ADIPOR2: variants seen among roughly 807,000 people sequenced by gnomAD.
ADIPOR2 encodes the protein adiponectin receptor protein 2.
Under a neutral mutation model 40.9 loss-of-function variants are expected in ADIPOR2, and 18 were observed. That is an observed-to-expected ratio of 0.44 (90% confidence interval 0.30 to 0.65). The LOEUF is 0.65. Ranked by LOEUF, ADIPOR2 falls within the 30% of genes least tolerant of loss-of-function variation. The pLI is 0.09. For missense variants in ADIPOR2, 283 were observed against 479.2 expected, an observed-to-expected ratio of 0.59 and a Z score of 3.82; for synonymous variants, 165 against 166.4, an observed-to-expected ratio of 0.99 and a Z score of 0.06.
intron 1 of ADIPOR2, among the ~76,000 whole-genome samples, chr12:1,699,777 C>T (rs2094646597): frequency 6.6e-6 from 1 of 152,162 alleles, no homozygotes; most frequent in South Asian, 2.1e-4. Flanking sequence ...AATAATTAGC[C>T]TATTTTATAA....
intron 3 of ADIPOR2, among the ~76,000 whole-genome samples, chr12:1,776,725 G>A (rs898809382): frequency 6.6e-6 from 1 of 152,176 alleles, no homozygotes; most frequent in Non-Finnish European, 1.5e-5. Context: ...GGACTGAAAG[G>A]GTGGTTAGGG....
At chr12:1,745,464 A>G (rs367967599) in intron 1 of ADIPOR2, among the ~76,000 whole-genome samples, 3 of 152,286 alleles carry the variant, frequency 2.0e-5, no homozygotes, top group South Asian at 2.1e-4. Context: ...GAATGAATTT[A>G]TATGTCTATG....
intron 2 of ADIPOR2, among the ~76,000 whole-genome samples, chr12:1,764,570 C>CAA: frequency 1.1e-5 from 1 of 93,930 alleles, no homozygotes; most frequent in African/African-American, 3.7e-5. Context: ...CACACACACA[C>CAA]ACACACACAC....
intron 2 of ADIPOR2, among the ~76,000 whole-genome samples, chr12:1,764,796 G>A (rs995433360): frequency 2.0e-5 from 3 of 152,006 alleles, no homozygotes; most frequent in African/African-American, 7.2e-5. Context: ...CATTCCATAT[G>A]TACTCTTGTA....
At chr12:1,768,136 T>A (rs1460041128) in intron 2 of ADIPOR2, among the ~76,000 whole-genome samples, 2 of 152,250 alleles carry the variant, frequency 1.3e-5, no homozygotes, top group African/African-American at 4.8e-5. Context: ...ATCAAAGGTT[T>A]ACTGTCTCCA....
At chr12:1,696,006 T>G (rs1458007263) in intron 1 of ADIPOR2, 1 of 155,314 alleles carries the variant, frequency 6.4e-6, no homozygotes, top group Non-Finnish European at 1.5e-5. Context: ...TTCATTTTGG[T>G]TTTCTTCCTC....
chr12:1,721,157 T>C (rs1301499863), intron 1 of ADIPOR2, among the ~76,000 whole-genome samples: 2 of 151,418 alleles, frequency 1.3e-5, no homozygotes, highest in Non-Finnish European at 1.5e-5. Context: ...CAGGACTTCC[T>C]GAGGCTGTGT....
At chr12:1,756,931 G>A (rs1023815823) in intron 2 of ADIPOR2, among the ~76,000 whole-genome samples, 2 of 152,196 alleles carry the variant, frequency 1.3e-5, no homozygotes, top group Admixed American at 6.5e-5. Context: ...AGGGAAGAGC[G>A]GGTTTAAGGT....
intron 1 of ADIPOR2, among the ~76,000 whole-genome samples, chr12:1,713,667 C>T (rs1325827742): frequency 6.6e-6 from 1 of 151,986 alleles, no homozygotes; most frequent in African/African-American, 2.4e-5. Context: ...TATGTTCCTC[C>T]CTAATAAGGG....
intron 1 of ADIPOR2, among the ~76,000 whole-genome samples, chr12:1,722,122 G>A (rs2094699090): frequency 6.6e-6 from 1 of 152,214 alleles, no homozygotes; most frequent in South Asian, 2.1e-4. Flanking sequence ...TCTGGAGGCT[G>A]CTGTATTAGT....
At chr12:1,781,584 T>C (rs1862721520) in intron 6 of ADIPOR2, among the ~76,000 whole-genome samples, 1 of 152,200 alleles carries the variant, frequency 6.6e-6, no homozygotes, top group African/African-American at 2.4e-5. Context: ...AAAGGGGCTT[T>C]TTATATTTAG....
At chr12:1,769,919 A>C (rs568488154) in intron 2 of ADIPOR2, among the ~76,000 whole-genome samples, 1 of 144,960 alleles carries the variant, frequency 6.9e-6, no homozygotes, top group Non-Finnish European at 1.5e-5. Context: ...TTACTAAAGT[A>C]ATTTTTTTTT....
intron 1 of ADIPOR2, among the ~76,000 whole-genome samples, chr12:1,715,553 C>T (rs546756427): frequency 3.3e-5 from 5 of 152,252 alleles, no homozygotes; most frequent in African/African-American, 9.6e-5. Context: ...GGACCATTGT[C>T]GCTTTGGCTG....
At chr12:1,750,033 T>C (rs2094765568) in intron 1 of ADIPOR2, among the ~76,000 whole-genome samples, 1 of 151,944 alleles carries the variant, frequency 6.6e-6, no homozygotes, top group South Asian at 2.1e-4. Context: ...TGACATGGTC[T>C]TGTTGCCCAG....
chr12:1,705,196 T>G (rs1245392704), intron 1 of ADIPOR2, among the ~76,000 whole-genome samples: 1 of 152,186 alleles, frequency 6.6e-6, no homozygotes, highest in Non-Finnish European at 1.5e-5. Context: ...CAGATTTTAT[T>G]TTTGAAGTAG....
intron 1 of ADIPOR2, among the ~76,000 whole-genome samples, chr12:1,729,529 T>C (rs1386477958): frequency 6.7e-6 from 1 of 150,216 alleles, no homozygotes; most frequent in Non-Finnish European, 1.5e-5. Flanking sequence ...CCCAGGCTGG[T>C]CTCAAACTTC....
At chr12:1,743,849 GATAAA>G (rs1219311910) in intron 1 of ADIPOR2, among the ~76,000 whole-genome samples, 2 of 152,082 alleles carry the variant, frequency 1.3e-5, no homozygotes, top group African/African-American at 4.8e-5. Flanking sequence ...AGAAAAAGGA[GATAAA>G]ATAATTTAAC....
intron 1 of ADIPOR2, among the ~76,000 whole-genome samples, chr12:1,743,434 G>T (rs2094748028): frequency 6.6e-6 from 1 of 152,082 alleles, no homozygotes; most frequent in South Asian, 2.1e-4. Context: ...ACTTTGGGAG[G>T]CTGAGATGGG....
chr12:1,763,281 GTTTTC>G (rs552252767), intron 2 of ADIPOR2, among the ~76,000 whole-genome samples: 164 of 152,322 alleles, frequency 1.1e-3, no homozygotes, highest in African/African-American at 3.7e-3. Context: ...AGTGATCACA[GTTTTC>G]TTTTCATAAT....
Sources: allele counts gnomAD v4.1 joint callset (sites outside exome capture counted in the v4.1 genomes callset), GRCh38; gene constraint gnomAD v4.1.1; transcripts MANE v1.5; gene names NCBI Gene and HGNC (gene_info 2026-07-23, HGNC 2026-07-21).